The following ACTN1 variants were observed in gnomAD, a reference collection of about 807,000 sequenced individuals.
ACTN1 encodes the protein actinin alpha 1, also known as alpha-actinin-1.
Under a neutral mutation model 119.6 loss-of-function variants are expected in ACTN1, and 30 were observed. The observed-to-expected ratio is 0.25, with a 90% CI of 0.19 to 0.34. ACTN1 has a LOEUF of 0.34. Among genes scored for constraint, ACTN1 ranks in the 10% least tolerant of loss-of-function variants. The pLI, the probability that ACTN1 is intolerant of heterozygous loss-of-function variation, is 1.00. For synonymous variants in ACTN1, 429 were observed against 472.6 expected, an observed-to-expected ratio of 0.91 and a Z score of 1.20; for missense variants, 764 against 1,223.4, an observed-to-expected ratio of 0.62 and a Z score of 5.60.
At chr14:68,887,814 C>T (rs1478699689) in intron 11 of ACTN1, 2 of 893,132 alleles carry the variant, frequency 2.2e-6, no homozygotes, top group Non-Finnish European at 3.8e-6. Context: ...TTCTCTCCTG[C>T]TTCATCAGAG....
At chr14:68,895,569 G>C (rs1331184598) in intron 8 of ACTN1, among the ~76,000 whole-genome samples, 1 of 152,122 alleles carries the variant, frequency 6.6e-6, no homozygotes, top group Admixed American at 6.5e-5. Flanking sequence ...CCTCCTCCAG[G>C]CTGATGTTTT....
rs562136082 is a variant in ACTN1 at position 68,974,717 on chromosome 14, C to A, written c.105+4235G>T. On this transcript the variant is annotated intron_variant, in intron 1 of 21. Transcript: ENST00000394419. ...CTGCATCTTTCTGGTTCCCTCTCTA[C>A]CTAAACCTTCATTTCCACACTCTAC... Among the ~76,000 whole-genome samples the A allele has an allele frequency of 1.1e-4, 17 of 152,332 alleles. No homozygotes were observed. In the East Asian group the frequency reaches 1.3e-3, roughly 12 times the overall value.
Position 68,878,143 on chromosome 14 carries a change from G to A in ACTN1, c.2427+315C>T. ...GGTGACGCATGCCAGCCCGAAACCTGGGATGTCCCACACCACCAGTCCTTC... is the reference window on the plus strand; with the variant it reads ...GGTGACGCATGCCAGCCCGAAACCTAGGATGTCCCACACCACCAGTCCTTC... On this transcript the variant is annotated intron_variant, in intron 20 of 21. Transcript: ENST00000394419. The surrounding 1 kb of genome is among the most constrained non-coding windows in gnomAD (Gnocchi z 4.4). 2 of 292,370 alleles carry A rather than the reference G, an allele frequency of 6.8e-6. No individual in the cohort carries two copies. Among genetic ancestry groups the A allele is most frequent in the Non-Finnish European group, 6.4e-6 (1 of 156,820 alleles). 18.1% of individuals were successfully genotyped at this position (292,370 alleles called of 1,614,324 possible). A position where few individuals can be genotyped will look rare whatever the true frequency, so the allele number is the denominator to read the frequency against.
intron 8 of ACTN1, among the ~76,000 whole-genome samples, chr14:68,895,330 G>A (rs1048213335): frequency 2.0e-5 from 3 of 152,080 alleles, no homozygotes; most frequent in African/African-American, 7.2e-5. Context: ...CTGACTGATC[G>A]CCATCTCTCT....
chr14:68,961,672 T>C (rs2036547214), intron 1 of ACTN1, among the ~76,000 whole-genome samples: 1 of 152,196 alleles, frequency 6.6e-6, no homozygotes. Context: ...TACACTCAAG[T>C]CACAGCTGTT....
In ACTN1 at chr14:68,901,863, G is replaced by A. The variant is rs550544320; in HGVS notation, c.762+614C>T. The stretch of plus-strand genomic sequence containing the variant: ...TTGACGGGGCTCACAGCTGCCCACC[G>A]CCTCTCCCTTCCTCCCAGAGGTTCT... On this transcript the variant is annotated intron_variant, in intron 8 of 21. Transcript: ENST00000394419. 7.2e-5 allele frequency among the ~76,000 whole-genome samples: 11 copies of A among 152,278 alleles called. No homozygotes were observed. The East Asian group carries it at 7.7e-4, about 11-fold the overall frequency.
intron 1 of ACTN1, among the ~76,000 whole-genome samples, chr14:68,973,543 T>A (rs971073431): frequency 1.3e-5 from 2 of 152,236 alleles, no homozygotes; most frequent in Non-Finnish European, 2.9e-5. Context: ...TCAATTAAAC[T>A]TCTTTGCTTC....
intron 1 of ACTN1, among the ~76,000 whole-genome samples, chr14:68,940,955 G>A (rs755935990): frequency 1.3e-5 from 2 of 152,176 alleles, no homozygotes; most frequent in Non-Finnish European, 2.9e-5. Context: ...TGGGTCACCC[G>A]GACCCCTCAA....
At chr14:68,978,887 G>A (rs1351241780) in intron 1 of ACTN1, 65 bp downstream of exon 1, 9 of 1,161,092 alleles carry the variant, frequency 7.8e-6, no homozygotes, top group Non-Finnish European at 1.1e-5. Context: ...GAGCCCGGCA[G>A]GCAGAGCGGG....
Position 68,954,097 on chromosome 14 carries a change from C to T in ACTN1, c.105+24855G>A, listed in dbSNP as rs368052864. Among the ~76,000 whole-genome samples, 20 of 152,180 alleles carry T rather than the reference C, an allele frequency of 1.3e-4. No individual in the cohort carries two copies. In the East Asian group the frequency reaches 1.3e-3, roughly 10 times the overall value. On this transcript the variant is annotated intron_variant, in intron 1 of 21. Transcript: ENST00000394419. ...TACACTATCTTCCTTATTTACAGTA[C>T]GATCAATTATAATGTATTACTCTTT...
At chr14:68,875,042 G>A in intron 21 of ACTN1, 25 bp from the exon 22 acceptor site, 1 of 1,610,364 alleles carries the variant, frequency 6.2e-7, no homozygotes, top group Non-Finnish European at 8.5e-7. Flanking sequence ...TGGTCAGGAA[G>A]GCCGCAAAGT....
Position 68,879,776 on chromosome 14 carries a change from G to T in ACTN1, c.2280+186C>A. 1 of 721,468 alleles carries T rather than the reference G, an allele frequency of 1.4e-6. No homozygotes were observed. The highest frequency in any genetic ancestry group is 3.0e-5 in the Admixed American group (1 of 33,472). The allele number at this position is 721,468 out of a possible 1,614,324, so 44.7% of individuals were successfully genotyped here. The stretch of plus-strand genomic sequence containing the variant: ...CTCCCGGAAAGCAGGGAAGCTTATG[G>T]GGCACCAACACAGGTTTTCCAAGGC... On this transcript the variant is annotated intron_variant, in intron 18 of 21. Transcript: ENST00000394419. This position sits in a 1 kb window ranked among gnomAD's most constrained non-coding sequence, Gnocchi z 4.9.
At chr14:68,918,910 C>T (rs2034488137) in intron 3 of ACTN1, among the ~76,000 whole-genome samples, 1 of 152,214 alleles carries the variant, frequency 6.6e-6, no homozygotes, top group Non-Finnish European at 1.5e-5. Context: ...CACTCTTCCA[C>T]TCTAGCAACT....
intron 1 of ACTN1, among the ~76,000 whole-genome samples, chr14:68,929,618 A>G (rs1401843959): frequency 6.6e-6 from 1 of 152,168 alleles, no homozygotes; most frequent in Non-Finnish European, 1.5e-5. Flanking sequence ...AAATGGCTTC[A>G]GGGATGCCGA....
At chr14:68,944,456 G>A (rs766663125) in intron 1 of ACTN1, among the ~76,000 whole-genome samples, 9 of 152,198 alleles carry the variant, frequency 5.9e-5, no homozygotes, top group Non-Finnish European at 1.3e-4. Context: ...TTCTTACTGA[G>A]CACTCATTCT....
intron 2 of ACTN1, among the ~76,000 whole-genome samples, chr14:68,923,674 C>T (rs1324381829): frequency 2.0e-5 from 3 of 151,806 alleles, no homozygotes; most frequent in Admixed American, 6.6e-5. Flanking sequence ...AAATAAATAA[C>T]GGCAGAGGAA....
At chr14:68,892,359 C>T in intron 9 of ACTN1, 76 bp from the exon 10 acceptor site, 1 of 1,460,946 alleles carries the variant, frequency 6.8e-7, no homozygotes, top group Non-Finnish European at 9.3e-7. Context: ...TCCCTTTCCT[C>T]CCAACAGCCC....
chr14:68,924,683 G>T (rs1297115202), intron 2 of ACTN1, among the ~76,000 whole-genome samples: 1 of 152,232 alleles, frequency 6.6e-6, no homozygotes, highest in South Asian at 2.1e-4. Context: ...AAAGGCCTTT[G>T]TGGGATCATC....
At chr14:68,956,048 C>G (rs1024743392) in intron 1 of ACTN1, among the ~76,000 whole-genome samples, 1 of 152,202 alleles carries the variant, frequency 6.6e-6, no homozygotes. Flanking sequence ...CACTATAGTC[C>G]CAGCTACTGA....
Sources: gnomAD v4.1 joint callset for allele counts (sites outside exome capture counted in the v4.1 genomes callset) on GRCh38, gnomAD v4.1.1 for gene constraint, Gnocchi (gnomAD v3.1) non-coding constraint, MANE v1.5 for transcripts, NCBI Gene and HGNC (gene_info 2026-07-23, HGNC 2026-07-21) for gene names.